The following PRDM16 variants were observed in gnomAD, a reference collection of about 807,000 sequenced individuals.
PRDM16 encodes the protein histone-lysine N-methyltransferase PRDM16.
A neutral mutation model predicts 110.6 loss-of-function variants in PRDM16; 23 were observed. The observed-to-expected ratio is 0.21, with a 90% CI of 0.15 to 0.29. The LOEUF is 0.29. Ranked by LOEUF, PRDM16 falls within the 10% of genes least tolerant of loss-of-function variation. PRDM16 has a pLI of 1.00. For missense variants in PRDM16, 1,615 were observed against 1,794.3 expected, an observed-to-expected ratio of 0.90 and a Z score of 1.81; for synonymous variants, 799 against 781.8, an observed-to-expected ratio of 1.02 and a Z score of -0.37.
intron 2 of PRDM16, among the ~76,000 whole-genome samples, chr1:3,241,963 G>A (rs1041886435): frequency 2.6e-5 from 4 of 152,340 alleles, no homozygotes; most frequent in South Asian, 4.1e-4. Context: ...TGGTGTTAAC[G>A]GGGGCTCCTG....
intron 1 of PRDM16, among the ~76,000 whole-genome samples, chr1:3,134,044 C>A (rs1643387444): frequency 1.3e-5 from 2 of 152,204 alleles, no homozygotes; most frequent in Non-Finnish European, 2.9e-5. Flanking sequence ...GCGTCCAGTT[C>A]AGGGAGCGTG....
chr1:3,076,180 G>A (rs1188888260), intron 1 of PRDM16, among the ~76,000 whole-genome samples: 2 of 152,208 alleles, frequency 1.3e-5, no homozygotes, highest in East Asian at 1.9e-4. Context: ...TCTGTCAAGC[G>A]TGGGTGTGTG....
intron 16 of PRDM16, among the ~76,000 whole-genome samples, chr1:3,433,381 G>C (rs1010440942): frequency 6.6e-6 from 1 of 152,264 alleles, no homozygotes. Flanking sequence ...CCAGGGCCAC[G>C]GGAGGCTGGG....
intron 1 of PRDM16, among the ~76,000 whole-genome samples, chr1:3,180,570 A>G (rs953778177): frequency 1.3e-5 from 2 of 152,148 alleles, no homozygotes; most frequent in African/African-American, 4.8e-5. Context: ...GTAAAGACCC[A>G]GGCCAGCATC....
rs146176418 is a variant in PRDM16, at chr1:3,231,420, G to A, written c.388-12667G>A. Among the ~76,000 whole-genome samples the A allele has an allele frequency of 5.9e-3, 894 of 150,800 alleles. 14 individuals are homozygous for A. The highest frequency in any genetic ancestry group is 0.027 in the South Asian group (129 of 4,816). On this transcript the variant is annotated intron_variant, in intron 2 of 16. Coordinates refer to ENST00000270722, the MANE Select transcript of PRDM16 (RefSeq NM_022114.4). ...TCAAGGCCGTCTCCCCTTCTCCGTC[G>A]TCAGGGACAGCGGTCAAGGCCGTCC...
rs1347088762 is a variant in PRDM16 at position 3,069,324 on chromosome 1, C to CGCCGCCGGGGCCCGG, written c.37+38_37+52dup. 6 of 1,231,234 alleles carry CGCCGCCGGGGCCCGG rather than the reference C, an allele frequency of 4.9e-6. No homozygotes were observed. Among genetic ancestry groups the CGCCGCCGGGGCCCGG allele is most frequent in the Non-Finnish European group, 6.3e-6 (6 of 959,096 alleles). 76.3% of individuals were successfully genotyped at this position (1,231,234 alleles called of 1,614,324 possible). On this transcript the variant is annotated intron_variant, in intron 1 of 16. Coordinates refer to ENST00000270722, the MANE Select transcript of PRDM16 (RefSeq NM_022114.4). This position sits in a 1 kb window ranked among gnomAD's most constrained non-coding sequence, Gnocchi z 6.1. ...AAGTCTCCCGCGCTCGGCCGCGCCG[C>CGCCGCCGGGGCCCGG]GCCGCCGGGGCCCGGGCCGCCGGGC...
intron 2 of PRDM16, among the ~76,000 whole-genome samples, chr1:3,227,871 G>A (rs1420192804): frequency 6.6e-6 from 1 of 152,256 alleles, no homozygotes; most frequent in Non-Finnish European, 1.5e-5. Flanking sequence ...GGGCTTTAGA[G>A]CCGGCGTTCT....
intron 3 of PRDM16, among the ~76,000 whole-genome samples, chr1:3,249,238 G>A (rs892624185): frequency 6.6e-6 from 1 of 152,004 alleles, no homozygotes; most frequent in African/African-American, 2.4e-5. Context: ...GCAGGGGTAG[G>A]GAGGGGAGGG....
chr1:3,181,664 A>ACATG (rs138034258), intron 1 of PRDM16, among the ~76,000 whole-genome samples: 2 of 113,874 alleles, frequency 1.8e-5, no homozygotes, highest in Admixed American at 8.8e-5. Context: ...ACGGTCTTAC[A>ACATG]CAGTCTTACA....
chr1:3,271,460 G>A (rs1008544633), intron 3 of PRDM16, among the ~76,000 whole-genome samples: 2 of 152,190 alleles, frequency 1.3e-5, no homozygotes, highest in South Asian at 4.1e-4. Flanking sequence ...TAAAGAAAAT[G>A]GTAGCCCTTA....
At chr1:3,338,311 G>T (rs551046171) in intron 3 of PRDM16, among the ~76,000 whole-genome samples, 1 of 152,232 alleles carries the variant, frequency 6.6e-6, no homozygotes, top group African/African-American at 2.4e-5. Context: ...GCCCCGTGGG[G>T]AACAGATGTT....
chr1:3,114,191 A>ACGCACATGCACGCG (rs1553127258), intron 1 of PRDM16, among the ~76,000 whole-genome samples: 2 of 131,714 alleles, frequency 1.5e-5, no homozygotes, highest in African/African-American at 3.0e-5. Flanking sequence ...ACACGCACAC[A>ACGCACATGCACGCG]CGCACACGCA....
At chr1:3,073,242 G>A (rs1400311158) in intron 1 of PRDM16, among the ~76,000 whole-genome samples, 1 of 152,232 alleles carries the variant, frequency 6.6e-6, no homozygotes, top group African/African-American at 2.4e-5. Context: ...CCTCAGGGGA[G>A]GTGAGGCTGG....
At chr1:3,429,407 C>T (rs1247843101) in intron 14 of PRDM16, among the ~76,000 whole-genome samples, 1 of 152,256 alleles carries the variant, frequency 6.6e-6, no homozygotes, top group African/African-American at 2.4e-5. Flanking sequence ...AAGTCCCTGC[C>T]CCCAGCTGGT....
intron 1 of PRDM16, among the ~76,000 whole-genome samples, chr1:3,152,149 G>A (rs1315434557): frequency 3.3e-5 from 5 of 152,222 alleles, no homozygotes; most frequent in Non-Finnish European, 7.3e-5. Flanking sequence ...GGCTCTGGGG[G>A]CATCTTGCCA....
chr1:3,381,662 T>C (rs1244443091), intron 3 of PRDM16, among the ~76,000 whole-genome samples: 1 of 152,150 alleles, frequency 6.6e-6, no homozygotes, highest in Non-Finnish European at 1.5e-5. Flanking sequence ...GTGCTGGGAT[T>C]ATAGGCATGA....
intron 2 of PRDM16, among the ~76,000 whole-genome samples, chr1:3,219,020 G>C (rs1024342569): frequency 2.0e-5 from 3 of 152,216 alleles, no homozygotes; most frequent in Non-Finnish European, 4.4e-5. Flanking sequence ...GTCCAGTGCC[G>C]GGCTGAGCGG....
chr1:3,285,502 CTTCCTGGGAGCAGGCA>C, intron 3 of PRDM16, among the ~76,000 whole-genome samples: 1 of 152,312 alleles, frequency 6.6e-6, no homozygotes, highest in South Asian at 2.1e-4. Context: ...TGTCCCCTGC[CTTCCTGGGAGCAGGCA>C]TGCTCCCAGG....
chr1:3,162,159 C>T (rs74050141), intron 1 of PRDM16, among the ~76,000 whole-genome samples: 1,526 of 152,228 alleles, frequency 0.01, 31 homozygotes, highest in African/African-American at 0.034. Flanking sequence ...CATTAGGTGG[C>T]GTTCAATATG....
Sources: gnomAD v4.1 joint callset for allele counts (sites outside exome capture counted in the v4.1 genomes callset) on GRCh38, gnomAD v4.1.1 for gene constraint, Gnocchi (gnomAD v3.1) non-coding constraint, MANE v1.5 for transcripts, NCBI Gene and HGNC (gene_info 2026-07-23, HGNC 2026-07-21) for gene names.